The following SLC71A2 variants were observed in gnomAD, a reference collection of about 807,000 sequenced individuals.
The protein encoded by SLC71A2 is hippocampus abundant transcript-like 1.
chr9:94,418,364 T>G, the SLC71A2 span, among the ~76,000 whole-genome samples: 6 of 152,214 alleles, frequency 3.9e-5, no homozygotes, highest in Admixed American at 6.5e-5. Flanking sequence ...ATTACCAAAT[T>G]TTTAACTGCA....
the SLC71A2 span, among the ~76,000 whole-genome samples, chr9:94,394,358 G>A: frequency 1.1e-5 from 1 of 91,592 alleles, no homozygotes; most frequent in African/African-American, 3.1e-5. Context: ...GGGAGAAATT[G>A]CAAAGTCTTC....
the SLC71A2 span, among the ~76,000 whole-genome samples, chr9:94,418,051 G>C: frequency 6.6e-6 from 1 of 151,708 alleles, no homozygotes; most frequent in Non-Finnish European, 1.5e-5. Flanking sequence ...GAGACGACGG[G>C]AGGGTTTCAC....
the SLC71A2 span, among the ~76,000 whole-genome samples, chr9:94,382,071 G>C: frequency 2.6e-5 from 4 of 151,914 alleles, no homozygotes; most frequent in East Asian, 7.8e-4. Flanking sequence ...TGGTTGCCCA[G>C]GCTGGAGTGC....
chr9:94,443,553 T>C, the SLC71A2 span, among the ~76,000 whole-genome samples: 1 of 152,182 alleles, frequency 6.6e-6, no homozygotes, highest in East Asian at 1.9e-4. Flanking sequence ...ACTAAGAGTT[T>C]GTTGTGGGGA....
At chr9:94,447,555 G>C in the SLC71A2 span, among the ~76,000 whole-genome samples, 1 of 148,690 alleles carries the variant, frequency 6.7e-6, no homozygotes, top group Admixed American at 6.8e-5. Context: ...TTGAGAGTAA[G>C]ATATAGAGAT....
the SLC71A2 span, among the ~76,000 whole-genome samples, chr9:94,450,213 C>A: frequency 6.6e-6 from 1 of 152,160 alleles, no homozygotes; most frequent in Non-Finnish European, 1.5e-5. Context: ...TAAATTCTAT[C>A]TTAATAAAGC....
At chr9:94,415,703 C>G in the SLC71A2 span, among the ~76,000 whole-genome samples, 13 of 151,984 alleles carry the variant, frequency 8.6e-5, no homozygotes, top group South Asian at 2.7e-3. Context: ...CAACTTAGAC[C>G]CCTAACATGC....
the SLC71A2 span, chr9:94,458,544 G>A: frequency 7.4e-7 from 1 of 1,354,692 alleles, no homozygotes; most frequent in Non-Finnish European, 1.0e-6. Flanking sequence ...AATTTGGAGA[G>A]CATTCTTTCT....
the SLC71A2 span, chr9:94,459,070 G>A: frequency 1.5e-6 from 2 of 1,306,940 alleles, no homozygotes; most frequent in Non-Finnish European, 2.1e-6. Flanking sequence ...TCACTTTTTG[G>A]TGGTGTGTTT....
chr9:94,400,424 A>G, the SLC71A2 span, among the ~76,000 whole-genome samples: 89 of 151,892 alleles, frequency 5.9e-4, no homozygotes, highest in African/African-American at 2.1e-3. Flanking sequence ...TTCTATGTTT[A>G]TTCAAAGACC....
At chr9:94,374,991 G>T in the SLC71A2 span, 1 of 1,151,358 alleles carries the variant, frequency 8.7e-7, no homozygotes. Flanking sequence ...TCGCACCCAG[G>T]GCCCGCGAGC....
At chr9:94,388,659 T>C in the SLC71A2 span, among the ~76,000 whole-genome samples, 1 of 151,940 alleles carries the variant, frequency 6.6e-6, no homozygotes, top group African/African-American at 2.4e-5. Flanking sequence ...TAAAAATACA[T>C]TTATATATTT....
the SLC71A2 span, among the ~76,000 whole-genome samples, chr9:94,416,842 A>G: frequency 7.3e-6 from 1 of 137,782 alleles, no homozygotes; most frequent in Admixed American, 7.9e-5. Context: ...CAACAAAAGC[A>G]AAACTCCATC....
the SLC71A2 span, among the ~76,000 whole-genome samples, chr9:94,418,574 T>C: frequency 3.9e-5 from 6 of 151,950 alleles, no homozygotes; most frequent in African/African-American, 1.5e-4. Flanking sequence ...TAGCTGGGAC[T>C]ATAGGTGTGT....
At chr9:94,434,159 T>C in the SLC71A2 span, among the ~76,000 whole-genome samples, 3 of 152,180 alleles carry the variant, frequency 2.0e-5, no homozygotes, top group Non-Finnish European at 4.4e-5. Flanking sequence ...GCAAAAAATA[T>C]TCTACATTAA....
the SLC71A2 span, chr9:94,459,166 T>C: frequency 3.1e-6 from 5 of 1,613,374 alleles, no homozygotes; most frequent in Non-Finnish European, 4.2e-6. Flanking sequence ...AACAGGGAGC[T>C]GTCATCCCAG....
chr9:94,442,753 G>A, the SLC71A2 span, among the ~76,000 whole-genome samples: 1 of 151,918 alleles, frequency 6.6e-6, no homozygotes, highest in Non-Finnish European at 1.5e-5. Context: ...GGGAGGCTGA[G>A]GCAGGAGAAT....
At chr9:94,401,085 T>C in the SLC71A2 span, among the ~76,000 whole-genome samples, 1 of 151,892 alleles carries the variant, frequency 6.6e-6, no homozygotes, top group African/African-American at 2.4e-5. Flanking sequence ...ATCTTTTCTT[T>C]TCCTTTTTTT....
At chr9:94,434,414 T>C in the SLC71A2 span, among the ~76,000 whole-genome samples, 3 of 152,190 alleles carry the variant, frequency 2.0e-5, no homozygotes, top group African/African-American at 7.2e-5. Flanking sequence ...CTGTCCGGGT[T>C]CAAGTGATTC....
Sources: gnomAD v4.1 joint callset for allele counts (sites outside exome capture counted in the v4.1 genomes callset) on GRCh38, gnomAD v4.1.1 for gene constraint, MANE v1.5 for transcripts, NCBI Gene and HGNC (gene_info 2026-07-23, HGNC 2026-07-21) for gene names.